The following CNTNAP2 variants were observed in gnomAD, a reference collection of about 807,000 sequenced individuals.
CNTNAP2 encodes contactin associated protein 2, also known as contactin-associated protein-like 2.
A neutral mutation model predicts 155.2 loss-of-function variants in CNTNAP2; 98 were observed. The ratio of observed to expected loss-of-function variants is 0.63; its 90% confidence interval spans 0.54 to 0.75. The LOEUF is 0.75. Among genes scored for constraint, CNTNAP2 ranks in the 30% least tolerant of loss-of-function variants. The pLI, the probability that CNTNAP2 is intolerant of heterozygous loss-of-function variation, is 0.00. For synonymous variants in CNTNAP2, 651 were observed against 631.2 expected (o/e 1.03, Z -0.47); for missense variants, 1,727 against 1,688.1 (o/e 1.02, Z -0.40).
intron 8 of CNTNAP2, among the ~76,000 whole-genome samples, chr7:147,286,167 T>C (rs1057092189): frequency 6.6e-6 from 1 of 152,066 alleles, no homozygotes; most frequent in Admixed American, 6.6e-5. Flanking sequence ...GCCGTTTACA[T>C]AGTGTCAATT....
chr7:146,719,280 A>T (rs1278824763), intron 1 of CNTNAP2, among the ~76,000 whole-genome samples: 8 of 152,194 alleles, frequency 5.3e-5, no homozygotes, highest in Non-Finnish European at 1.2e-4. Flanking sequence ...TGCCACCAAA[A>T]TATGAGAGAA....
chr7:147,494,531 A>G (rs1482685567), intron 11 of CNTNAP2, among the ~76,000 whole-genome samples: 2 of 151,156 alleles, frequency 1.3e-5, no homozygotes, highest in East Asian at 2.0e-4. Context: ...CTGTAAAGAC[A>G]TGCTGTGATC....
Position 146,380,647 on chromosome 7 carries a change from A to ACTCTACCTAT in CNTNAP2, c.97+263675_97+263684dup, listed in dbSNP as rs1285496926. Among the ~76,000 whole-genome samples the ACTCTACCTAT allele has an allele frequency of 2.6e-5, 4 of 151,830 alleles. No individual in the cohort carries two copies. In the East Asian group the frequency reaches 5.8e-4, roughly 22 times the overall value. Reference sequence around the variant, plus strand: ...AGTTATTTGTTTTGCATTTCCCATTACTCTACCTATGTATACCATGTTGAG... The same window carrying ACTCTACCTAT: ...AGTTATTTGTTTTGCATTTCCCATTACTCTACCTATCTCTACCTATGTATACCATGTTGAG... On this transcript the variant is annotated intron_variant, in intron 1 of 23. Transcript: ENST00000361727.
At chr7:146,409,905 G>A (rs1294967725) in intron 1 of CNTNAP2, among the ~76,000 whole-genome samples, 1 of 152,118 alleles carries the variant, frequency 6.6e-6, no homozygotes, top group Non-Finnish European at 1.5e-5. Flanking sequence ...TGAAAGCAGG[G>A]CAGTGGGGTG....
At chr7:146,153,438 T>C (rs1285135136) in intron 1 of CNTNAP2, among the ~76,000 whole-genome samples, 1 of 152,154 alleles carries the variant, frequency 6.6e-6, no homozygotes, top group Non-Finnish European at 1.5e-5. Context: ...TGTTGTTTAT[T>C]TGGAAATAGT....
At chr7:147,298,381 G>A (rs373403946) in intron 8 of CNTNAP2, among the ~76,000 whole-genome samples, 2 of 151,660 alleles carry the variant, frequency 1.3e-5, no homozygotes, top group African/African-American at 2.4e-5. Flanking sequence ...CCGAGATCCC[G>A]TCATTGCACT....
At chr7:146,432,889 G>T (rs1796191895) in intron 1 of CNTNAP2, among the ~76,000 whole-genome samples, 1 of 152,130 alleles carries the variant, frequency 6.6e-6, no homozygotes, top group South Asian at 2.1e-4. Context: ...CTAATGAGTT[G>T]TAAGTGCATT....
chr7:146,992,707 T>A (rs1391384552), intron 3 of CNTNAP2, among the ~76,000 whole-genome samples: 2 of 144,094 alleles, frequency 1.4e-5, no homozygotes, highest in African/African-American at 5.7e-5. Flanking sequence ...CATACTAAGA[T>A]TTTTTTTTTC....
At chr7:146,178,094 C>T (rs949395707) in intron 1 of CNTNAP2, among the ~76,000 whole-genome samples, 1 of 152,024 alleles carries the variant, frequency 6.6e-6, no homozygotes, top group Non-Finnish European at 1.5e-5. Context: ...AGTGTAGTGA[C>T]GTGATCTCGG....
chr7:146,499,052 T>C (rs1401521252), intron 1 of CNTNAP2, among the ~76,000 whole-genome samples: 1 of 152,232 alleles, frequency 6.6e-6, no homozygotes, highest in Non-Finnish European at 1.5e-5. Context: ...CTGTGACTTC[T>C]TCATACTGCA....
At chr7:148,169,574 G>A (rs1462299186) in intron 17 of CNTNAP2, among the ~76,000 whole-genome samples, 2 of 152,118 alleles carry the variant, frequency 1.3e-5, no homozygotes, top group Non-Finnish European at 2.9e-5. Flanking sequence ...GTCCACTGGT[G>A]GTGCAAGAGC....
intron 15 of CNTNAP2, among the ~76,000 whole-genome samples, chr7:148,059,550 A>G (rs1338461635): frequency 1.3e-5 from 2 of 149,674 alleles, no homozygotes; most frequent in South Asian, 2.1e-4. Flanking sequence ...ACGGTGCCCC[A>G]TTGCACTCCA....
intron 1 of CNTNAP2, among the ~76,000 whole-genome samples, chr7:146,526,615 C>T (rs972246763): frequency 1.3e-5 from 2 of 152,178 alleles, no homozygotes; most frequent in Non-Finnish European, 2.9e-5. Context: ...CAGGCCCCAC[C>T]TCCAACACTG....
intron 15 of CNTNAP2, among the ~76,000 whole-genome samples, chr7:147,989,014 A>C (rs1667631826): frequency 6.6e-6 from 1 of 152,178 alleles, no homozygotes; most frequent in African/African-American, 2.4e-5. Flanking sequence ...AATTTTAACA[A>C]AGTGGAGGAG....
intron 20 of CNTNAP2, among the ~76,000 whole-genome samples, chr7:148,254,959 T>C (rs905756503): frequency 6.6e-6 from 1 of 152,150 alleles, no homozygotes; most frequent in African/African-American, 2.4e-5. Context: ...AATGTGTTTT[T>C]CCTCGAGCTC....
At chr7:147,495,758 T>C (rs1232856993) in intron 11 of CNTNAP2, among the ~76,000 whole-genome samples, 1 of 152,178 alleles carries the variant, frequency 6.6e-6, no homozygotes, top group East Asian at 1.9e-4. Flanking sequence ...TTTTTTTAAA[T>C]CGTGAAACAA....
chr7:147,292,359 T>C (rs1799913910), intron 8 of CNTNAP2, among the ~76,000 whole-genome samples: 1 of 152,220 alleles, frequency 6.6e-6, no homozygotes. Context: ...TGTGAGTCTA[T>C]TTATGATCTT....
intron 9 of CNTNAP2, among the ~76,000 whole-genome samples, chr7:147,358,418 T>A (rs1377371808): frequency 3.3e-5 from 5 of 152,160 alleles, no homozygotes; most frequent in Non-Finnish European, 1.5e-5. Context: ...GGTGTTATTG[T>A]CACAGAAATA....
intron 11 of CNTNAP2, among the ~76,000 whole-genome samples, chr7:147,539,013 C>A (rs1799596083): frequency 6.6e-6 from 1 of 152,056 alleles, no homozygotes. Context: ...ATGATGCCAG[C>A]TTTGGGCTTA....
Sources: gnomAD v4.1 joint callset for allele counts (sites outside exome capture counted in the v4.1 genomes callset) on GRCh38, gnomAD v4.1.1 for gene constraint, MANE v1.5 for transcripts, NCBI Gene and HGNC (gene_info 2026-07-23, HGNC 2026-07-21) for gene names.